PYGO1: variants seen among roughly 807,000 people sequenced by gnomAD.
PYGO1 encodes the protein pygopus family PHD finger 1.
A neutral mutation model predicts 29.5 loss-of-function variants in PYGO1; 6 were observed. The observed-to-expected ratio is 0.20, with a 90% CI of 0.11 to 0.40. The LOEUF (loss-of-function observed/expected upper bound fraction) is 0.40, where lower values mean the gene tolerates loss of function less well. Ranked by LOEUF, PYGO1 falls within the 10% of genes least tolerant of loss-of-function variation. The pLI is 1.00. For synonymous variants in PYGO1, 186 were observed against 180.5 expected (o/e 1.03, Z -0.24); for missense variants, 515 against 514.9 (o/e 1.00, Z 0.00).
At chr15:55,562,283 T>G (rs560625668) in intron 1 of PYGO1, among the ~76,000 whole-genome samples, 7 of 152,230 alleles carry the variant, frequency 4.6e-5, no homozygotes, top group Non-Finnish European at 1.0e-4. Flanking sequence ...AGTGTGGTGA[T>G]TCCTCAAAGA....
intron 1 of PYGO1, among the ~76,000 whole-genome samples, chr15:55,565,948 A>G (rs1208465212): frequency 6.6e-6 from 1 of 151,966 alleles, no homozygotes; most frequent in Non-Finnish European, 1.5e-5. Context: ...CACTCAGCTA[A>G]TTTTTGTATT....
rs2058821782 is a variant in PYGO1 at position 55,539,854 on chromosome 15, G to C, written c.*6169C>G. On this transcript the variant is annotated 3_prime_UTR_variant, in exon 3 of 3. Transcript: ENST00000563719. ...TTAACATAACATAGGTAGACATTTT[G>C]TAATATACATCACTGACATAGTAAA... is the stretch of plus-strand genomic sequence containing the variant. The C allele has an allele frequency of 1.3e-5, 2 of 152,086 alleles. No homozygotes were observed. The highest frequency in any genetic ancestry group is 4.1e-4 in the South Asian group (2 of 4,820). The allele number at this position is 152,086 out of a possible 1,614,324, so 9.4% of individuals were successfully genotyped here.
Position 55,546,955 on chromosome 15 carries a change from C to T in PYGO1, c.328G>A (p.Val110Ile), listed in dbSNP as rs758353539. Reference protein sequence around the residue: ...GYSTFRMPPHVPPRMSSPYCG... With the variant: ...GYSTFRMPPHIPPRMSSPYCG... ...TATGGGGAAGACATTCTTGGGGGAA[C>T]GTGAGGTGGCATTCTGAATGTACTA... Residue 110 changes from valine (V) to isoleucine (I), a missense_variant, in exon 3 of 3, where the codon GTT becomes ATT. Coordinates refer to ENST00000563719, the MANE Select transcript of PYGO1 (RefSeq NM_001367806.1). The T allele has an allele frequency of 8.7e-6, 14 of 1,613,742 alleles. No individual in the cohort carries two copies. Among genetic ancestry groups the T allele is most frequent in the East Asian group, 4.5e-5 (2 of 44,880 alleles).
intron 1 of PYGO1, among the ~76,000 whole-genome samples, chr15:55,558,563 A>C (rs1182018934): frequency 7.3e-6 from 1 of 136,336 alleles, no homozygotes; most frequent in Admixed American, 7.2e-5. Context: ...CAAAAGAACA[A>C]AGCTGGAGGA....
At chr15:55,586,302 C>T (rs781766853) in intron 1 of PYGO1, among the ~76,000 whole-genome samples, 3 of 152,126 alleles carry the variant, frequency 2.0e-5, no homozygotes, top group Admixed American at 6.6e-5. Context: ...GTCTATTCTC[C>T]GCACAGCAGC....
At chr15:55,570,873 T>C (rs2141668295) in intron 1 of PYGO1, among the ~76,000 whole-genome samples, 1 of 152,320 alleles carries the variant, frequency 6.6e-6, no homozygotes, top group South Asian at 2.1e-4. Flanking sequence ...AATTTTAACT[T>C]TTAATTGTAG....
At position 55,539,609 on chromosome 15, in the gene PYGO1, A is replaced by C. The variant is rs1480956877; in HGVS notation, c.*6414T>G. ...AATAGCAGACAAAAATAAATCCCTA[A>C]CATGTAATACTAAATTTTTAACATA... On this transcript the variant is annotated 3_prime_UTR_variant, in exon 3 of 3. Transcript: ENST00000563719. 1 of 152,080 alleles carries C rather than the reference A, an allele frequency of 6.6e-6. No individual in the cohort carries two copies. Among genetic ancestry groups the C allele is most frequent in the Admixed American group, 6.5e-5 (1 of 15,280 alleles). 9.4% of individuals were successfully genotyped at this position (152,080 alleles called of 1,614,324 possible). A position where few individuals can be genotyped will look rare whatever the true frequency, so the allele number is the denominator to read the frequency against.
At chr15:55,568,972 T>A (rs2058968988) in intron 1 of PYGO1, among the ~76,000 whole-genome samples, 1 of 152,208 alleles carries the variant, frequency 6.6e-6, no homozygotes, top group Non-Finnish European at 1.5e-5. Context: ...CTTTTTGATG[T>A]GCTATTGAAT....
At chr15:55,555,670 T>C (rs984004538) in intron 1 of PYGO1, among the ~76,000 whole-genome samples, 1 of 151,902 alleles carries the variant, frequency 6.6e-6, no homozygotes, top group African/African-American at 2.4e-5. Flanking sequence ...ACTTAAAGTA[T>C]AATAATAAAA....
chr15:55,572,382 T>C (rs1304849237), intron 1 of PYGO1, among the ~76,000 whole-genome samples: 1 of 152,208 alleles, frequency 6.6e-6, no homozygotes, highest in Non-Finnish European at 1.5e-5. Flanking sequence ...ACCTATCTTA[T>C]AACTACTCAC....
chr15:55,588,803 C>T, upstream of PYGO1: 1 of 1,613,740 alleles, frequency 6.2e-7, no homozygotes, highest in Non-Finnish European at 8.5e-7. Flanking sequence ...GATGAACGTA[C>T]CATGCGAGGA....
chr15:55,543,581 T>C lies in PYGO1; in HGVS notation c.*2442A>G, dbSNP rs1200127052. ...AAAATGAATTATATTGCATAACACA[T>C]ACCTTTAGACTAGCTTGGGAGAAGT... On this transcript the variant is annotated 3_prime_UTR_variant, in exon 3 of 3. Transcript: ENST00000563719. 5.3e-5 allele frequency: 8 copies of C among 152,208 alleles called. No individual in the cohort carries two copies. Among genetic ancestry groups the C allele is most frequent in the Admixed American group, 6.5e-5 (1 of 15,274 alleles). The allele number at this position is 152,208 out of a possible 1,614,324, so 9.4% of individuals were successfully genotyped here.
intron 1 of PYGO1, among the ~76,000 whole-genome samples, chr15:55,578,869 T>C (rs1240492179): frequency 6.6e-6 from 1 of 152,196 alleles, no homozygotes; most frequent in African/African-American, 2.4e-5. Context: ...TATCTATTTC[T>C]TCTTTGGTTA....
chr15:55,545,153 C>T lies in PYGO1; in HGVS notation c.*870G>A, dbSNP rs2058844144. Reference sequence around the variant, plus strand: ...GCCAAATGGATGTTTCTACCTTCCTCATCTGCAATATGTCCCAGTTCAAAA... The same window carrying T: ...GCCAAATGGATGTTTCTACCTTCCTTATCTGCAATATGTCCCAGTTCAAAA... On this transcript the variant is annotated 3_prime_UTR_variant, in exon 3 of 3. Coordinates refer to ENST00000563719, the MANE Select transcript of PYGO1 (RefSeq NM_001367806.1). 1 of 152,174 alleles carries T rather than the reference C, an allele frequency of 6.6e-6. No individual in the cohort carries two copies. The highest frequency in any genetic ancestry group is 1.5e-5 in the Non-Finnish European group (1 of 68,024). 9.4% of individuals were successfully genotyped at this position (152,174 alleles called of 1,614,324 possible).
chr15:55,587,787 G>C (rs2059055150), intron 1 of PYGO1, 48 bp downstream of exon 1: 1 of 1,461,400 alleles, frequency 6.8e-7, no homozygotes, highest in Admixed American at 2.3e-5. Context: ...GGGGCCCCGC[G>C]CACCTCACTC....
At chr15:55,572,157 T>A (rs1405667299) in intron 1 of PYGO1, among the ~76,000 whole-genome samples, 1 of 152,178 alleles carries the variant, frequency 6.6e-6, no homozygotes, top group African/African-American at 2.4e-5. Context: ...CACTTCCTGA[T>A]TTCATACTAT....
rs1396507152 is a variant in PYGO1, at chr15:55,588,330, C to G, written c.-447G>C. On this transcript the variant is annotated 5_prime_UTR_variant, in exon 1 of 3. Coordinates refer to ENST00000563719, the MANE Select transcript of PYGO1 (RefSeq NM_001367806.1). ...GGAGGAGGTCTGCTCTCTCGCCGCT[C>G]CCGAGTCGCAGACACAAAAGCCCCC... is the stretch of plus-strand genomic sequence containing the variant. Among the ~76,000 whole-genome samples the G allele has an allele frequency of 3.4e-5, 5 of 148,662 alleles. No homozygotes were observed.
chr15:55,582,768 C>G (rs370623361), intron 1 of PYGO1, among the ~76,000 whole-genome samples: 2 of 152,116 alleles, frequency 1.3e-5, no homozygotes, highest in Non-Finnish European at 2.9e-5. Context: ...TGATAATCTG[C>G]CTAGCTCTTA....
Position 55,588,239 on chromosome 15 carries a change from G to A in PYGO1, c.-356C>T, listed in dbSNP as rs1202038971. Among the ~76,000 whole-genome samples the A allele has an allele frequency of 6.7e-6, 1 of 149,156 alleles. No homozygotes were observed. The highest frequency in any genetic ancestry group is 1.5e-5 in the Non-Finnish European group (1 of 67,070). ...CTTCTTCTTCGCCGCCGCCTCAGGA[G>A]CCGCTGACAGGGGAAGCAGGAGGCT... On this transcript the variant is annotated 5_prime_UTR_variant, in exon 1 of 3. Coordinates refer to ENST00000563719, the MANE Select transcript of PYGO1 (RefSeq NM_001367806.1).
Sources: allele counts gnomAD v4.1 joint callset (sites outside exome capture counted in the v4.1 genomes callset), GRCh38; gene constraint gnomAD v4.1.1; transcripts MANE v1.5; gene names NCBI Gene and HGNC (gene_info 2026-07-23, HGNC 2026-07-21).